Variants in ADCY2 observed in about 807,000 individuals in gnomAD.
ADCY2 encodes adenylate cyclase type 2.
Under a neutral mutation model 125.2 loss-of-function variants are expected in ADCY2, and 31 were observed. The ratio of observed to expected loss-of-function variants is 0.25; its 90% CI spans 0.19 to 0.33. The LOEUF is 0.33. ADCY2 is among the 10% of genes least tolerant of loss of function. The pLI, the probability that ADCY2 is intolerant of heterozygous loss-of-function variation, is 1.00. For synonymous variants in ADCY2, 512 were observed against 548.4 expected, an observed-to-expected ratio of 0.93 and a Z score of 0.93; for missense variants, 904 against 1,418.2, an observed-to-expected ratio of 0.64 and a Z score of 5.82.
At chr5:7,409,741 G>T (rs956065111) in intron 1 of ADCY2, among the ~76,000 whole-genome samples, 3 of 152,052 alleles carry the variant, frequency 2.0e-5, no homozygotes, top group African/African-American at 7.2e-5. Flanking sequence ...TATTTTATTT[G>T]CTTGGCCTAT....
intron 3 of ADCY2, among the ~76,000 whole-genome samples, chr5:7,610,546 TAGAA>T (rs560390106): frequency 1.7e-3 from 261 of 151,998 alleles, no homozygotes; most frequent in African/African-American, 5.8e-3. Flanking sequence ...GATCAAGAAA[TAGAA>T]AGAGCTTAAG....
chr5:7,723,920 C>CAAAAAAAAAAAAAAAAAAAAAAAAAA (rs70940756), intron 12 of ADCY2, among the ~76,000 whole-genome samples: 2 of 53,728 alleles, frequency 3.7e-5, no homozygotes, highest in African/African-American at 1.0e-4. Context: ...GACTCAGTCT[C>CAAAAAAAAAAAAAAAAAAAAAAAAAA]AAAAAAAAAA....
At chr5:7,666,056 T>A (rs1401312787) in intron 4 of ADCY2, among the ~76,000 whole-genome samples, 2 of 151,490 alleles carry the variant, frequency 1.3e-5, no homozygotes, top group Non-Finnish European at 2.9e-5. Flanking sequence ...GCCAGGATGG[T>A]CTCGATCTCC....
chr5:7,525,000 T>TATTA, intron 3 of ADCY2, among the ~76,000 whole-genome samples: 2 of 152,240 alleles, frequency 1.3e-5, no homozygotes, highest in South Asian at 4.2e-4. Flanking sequence ...CTATTTTATT[T>TATTA]ATTTATTTAT....
chr5:7,819,673 G>A (rs1173275547), intron 23 of ADCY2, among the ~76,000 whole-genome samples: 1 of 152,186 alleles, frequency 6.6e-6, no homozygotes, highest in Non-Finnish European at 1.5e-5. Flanking sequence ...GTCTCTCCCA[G>A]GAGGGGACTT....
intron 4 of ADCY2, among the ~76,000 whole-genome samples, chr5:7,630,902 C>T (rs1011124888): frequency 6.6e-6 from 1 of 151,946 alleles, no homozygotes; most frequent in African/African-American, 2.4e-5. Context: ...ATCCTCCCAC[C>T]TCAGTCTCCC....
At chr5:7,626,071 T>C (rs112642437) in intron 3 of ADCY2, 96 bp from the exon 4 acceptor site, 1 of 1,339,726 alleles carries the variant, frequency 7.5e-7, no homozygotes, top group Non-Finnish European at 1.0e-6. Flanking sequence ...CCTGCAGTTA[T>C]CTCTCTGAAG....
At position 7,551,803 on chromosome 5, in the gene ADCY2, C is replaced by T. The variant is rs77695362; in HGVS notation, c.570+30904C>T. On this transcript the variant is annotated intron_variant, in intron 3 of 24. Transcript: ENST00000338316. ...ACTACTAGATATGTTTCTTTGAATGCCCAGTATGTAATTATTAACTGGTTG... is the reference window on the plus strand; with the variant it reads ...ACTACTAGATATGTTTCTTTGAATGTCCAGTATGTAATTATTAACTGGTTG... Among the ~76,000 whole-genome samples, 471 of 152,198 alleles carry T rather than the reference C, an allele frequency of 3.1e-3. 3 individuals are homozygous for T. Among genetic ancestry groups the T allele is most frequent in the African/African-American group, 0.011 (456 of 41,516 alleles).
chr5:7,443,839 A>G (rs1166117341), intron 2 of ADCY2, among the ~76,000 whole-genome samples: 1 of 151,890 alleles, frequency 6.6e-6, no homozygotes, highest in East Asian at 1.9e-4. Context: ...TTGTGTTTTA[A>G]CATCCCTTGG....
intron 4 of ADCY2, among the ~76,000 whole-genome samples, chr5:7,647,246 T>C (rs1345172274): frequency 6.6e-6 from 1 of 152,236 alleles, no homozygotes; most frequent in Non-Finnish European, 1.5e-5. Flanking sequence ...TTTTTAACAC[T>C]CTGTGCCTCA....
At position 7,613,265 on chromosome 5, in the gene ADCY2, G is replaced by A. The variant is rs1273920790; in HGVS notation, c.571-12902G>A. 4.6e-5 allele frequency among the ~76,000 whole-genome samples: 7 copies of A among 152,140 alleles called. No individual in the cohort carries two copies. In the East Asian group the frequency reaches 1.2e-3, roughly 25 times the overall value. Reference sequence around the variant, plus strand: ...ATCCCAGGAAACCAGAGATGGAGAAGGCACAAATAGCTCAACTACAGAAAT... The same window carrying A: ...ATCCCAGGAAACCAGAGATGGAGAAAGCACAAATAGCTCAACTACAGAAAT... On this transcript the variant is annotated intron_variant, in intron 3 of 24. Coordinates refer to ENST00000338316, the MANE Select transcript of ADCY2 (RefSeq NM_020546.3).
chr5:7,764,166 A>T (rs1019079824), intron 16 of ADCY2, among the ~76,000 whole-genome samples: 1 of 152,244 alleles, frequency 6.6e-6, no homozygotes, highest in African/African-American at 2.4e-5. Flanking sequence ...ATGTTTATCC[A>T]TGTGATACCA....
At chr5:7,763,117 G>A (rs191348048) in intron 16 of ADCY2, among the ~76,000 whole-genome samples, 3 of 151,088 alleles carry the variant, frequency 2.0e-5, no homozygotes, top group Non-Finnish European at 1.5e-5. Context: ...TTTCCGAGAC[G>A]GAGTCTCGTT....
intron 12 of ADCY2, among the ~76,000 whole-genome samples, chr5:7,717,694 G>T (rs1741631222): frequency 6.6e-6 from 1 of 152,146 alleles, no homozygotes; most frequent in African/African-American, 2.4e-5. Context: ...GATTTTGGGG[G>T]CACAAAATGT....
At chr5:7,759,670 G>A (rs1248220653) in intron 16 of ADCY2, among the ~76,000 whole-genome samples, 8 of 152,218 alleles carry the variant, frequency 5.3e-5, no homozygotes, top group African/African-American at 1.4e-4. Context: ...GGTCTCAGGC[G>A]TGCCTGGATG....
At chr5:7,535,879 C>T (rs1351466067) in intron 3 of ADCY2, among the ~76,000 whole-genome samples, 3 of 152,130 alleles carry the variant, frequency 2.0e-5, no homozygotes, top group East Asian at 3.8e-4. Flanking sequence ...AAGCAGCCCC[C>T]GCGATGTTTG....
intron 15 of ADCY2, among the ~76,000 whole-genome samples, chr5:7,754,388 A>G (rs1742920741): frequency 1.3e-5 from 2 of 152,174 alleles, no homozygotes; most frequent in Non-Finnish European, 2.9e-5. Context: ...CTAGATGTAC[A>G]TTTTCCCCTG....
chr5:7,492,027 G>A (rs974478576), intron 2 of ADCY2, among the ~76,000 whole-genome samples: 20 of 152,234 alleles, frequency 1.3e-4, no homozygotes, highest in Non-Finnish European at 2.1e-4. Flanking sequence ...GTCACGGGGT[G>A]GAGGGCACAT....
chr5:7,753,580 C>G (rs1560947876), intron 15 of ADCY2, among the ~76,000 whole-genome samples: 1 of 152,122 alleles, frequency 6.6e-6, no homozygotes, highest in South Asian at 2.1e-4. Context: ...TCCACCAGAG[C>G]CTTTAATACT....
Sources: allele counts gnomAD v4.1 joint callset (sites outside exome capture counted in the v4.1 genomes callset), GRCh38; gene constraint gnomAD v4.1.1; transcripts MANE v1.5; gene names NCBI Gene and HGNC (gene_info 2026-07-23, HGNC 2026-07-21).